The following STAG2 variants were observed in gnomAD, a reference collection of about 807,000 sequenced individuals.
The protein encoded by STAG2 is STAG2 cohesin complex component.
Under a neutral mutation model 108.1 loss-of-function variants are expected in STAG2, and 14 were observed. The ratio of observed to expected loss-of-function variants is 0.13; its 90% CI spans 0.09 to 0.20. The LOEUF (loss-of-function observed/expected upper bound fraction) is 0.20. STAG2 is among the 10% of genes least tolerant of loss of function. STAG2 has a pLI of 1.00. For missense variants in STAG2, 440 were observed against 940.9 expected (o/e 0.47, Z 6.96); for synonymous variants, 307 against 302.7 (o/e 1.01, Z -0.15).
At position 124,061,862 on chromosome X, in the gene STAG2, G is replaced by C; in HGVS notation, c.1626G>C (p.Gly542=). Residue 542 remains glycine (G), a synonymous_variant, in exon 17 of 35, where the codon GGG becomes GGC. Transcript: ENST00000371145. ...AATGTCATCCTCCCGTGGGAAGAGG[G>C]ACAGGAAAAAGGGTATGCCAATCAA... ...AAECHPPVGR[G]TGKRVLTAKE... is the part of the protein sequence containing the mutation. The C allele has an allele frequency of 8.4e-7, 1 of 1,187,338 alleles. No individual in the cohort carries two copies. The highest frequency in any genetic ancestry group is 1.1e-6 in the Non-Finnish European group (1 of 881,436).
chrX:124,012,998 T>G (rs2056571388), intron 1 of STAG2, among the ~76,000 whole-genome samples: 1 of 111,840 alleles, frequency 8.9e-6, no homozygotes, highest in Admixed American at 9.6e-5. Flanking sequence ...TGTGTTCATC[T>G]ACTCTTCTAT....
At chrX:123,991,862 C>T (rs527776900) in intron 1 of STAG2, among the ~76,000 whole-genome samples, 1 of 111,749 alleles carries the variant, frequency 8.9e-6, no homozygotes, top group East Asian at 2.8e-4. Context: ...CGGGGTTTTT[C>T]CCTGTTGGTC....
At chrX:124,033,716 C>T (rs946676935) in intron 5 of STAG2, among the ~76,000 whole-genome samples, 3 of 111,689 alleles carry the variant, frequency 2.7e-5, no homozygotes, top group Non-Finnish European at 3.8e-5. Flanking sequence ...GAGCTGAGAT[C>T]GCACCATTGC....
intron 1 of STAG2, among the ~76,000 whole-genome samples, chrX:123,967,774 C>T (rs2054173956): frequency 9.0e-6 from 1 of 110,748 alleles, no homozygotes; most frequent in African/African-American, 3.3e-5. Context: ...TACTGAATAT[C>T]GTAGGCAGTT....
At chrX:124,055,409 C>G (rs2148260417) in intron 13 of STAG2, among the ~76,000 whole-genome samples, 1 of 112,560 alleles carries the variant, frequency 8.9e-6, no homozygotes, top group South Asian at 3.7e-4. Context: ...AGAGAAAGAG[C>G]TGCCAGGGGC....
At chrX:124,083,638 C>A in intron 29 of STAG2, 89 bp downstream of exon 29, 1 of 781,382 alleles carries the variant, frequency 1.3e-6, no homozygotes, top group Non-Finnish European at 1.8e-6. Context: ...TTTCTACTCA[C>A]ACAGAATTGT....
chrX:124,057,496 T>C lies in STAG2; in HGVS notation c.1305-370T>C, dbSNP rs752474892. Among the ~76,000 whole-genome samples, 8 of 112,584 alleles carry C rather than the reference T, an allele frequency of 7.1e-5. No individual in the cohort carries two copies. The South Asian group carries it at 2.9e-3, about 41-fold the overall frequency. ...GAAGGATGGAAGGAAAGTATATGTTTAGTTTTCAAGATGAATATGTATCAT... is the reference window on the plus strand; with the variant it reads ...GAAGGATGGAAGGAAAGTATATGTTCAGTTTTCAAGATGAATATGTATCAT... On this transcript the variant is annotated intron_variant, in intron 14 of 34. Coordinates refer to ENST00000371145, the MANE Select transcript of STAG2 (RefSeq NM_001042750.2).
chrX:124,065,696 T>G (rs2058505595), intron 20 of STAG2, among the ~76,000 whole-genome samples, 180 bp from the exon 21 acceptor site: 1 of 111,946 alleles, frequency 8.9e-6, no homozygotes, highest in African/African-American at 3.2e-5. Context: ...TATGATAAAC[T>G]TGTGTTGACT....
intron 1 of STAG2, among the ~76,000 whole-genome samples, chrX:123,972,558 A>G (rs1210630248): frequency 1.8e-5 from 2 of 109,702 alleles, no homozygotes; most frequent in African/African-American, 6.6e-5. Context: ...GGCGTGAGCC[A>G]CCGCGCCCGG....
intron 7 of STAG2, among the ~76,000 whole-genome samples, chrX:124,043,449 T>C (rs950738857): frequency 9.0e-6 from 1 of 111,641 alleles, no homozygotes; most frequent in Admixed American, 9.5e-5. Context: ...CCACTGCATC[T>C]GGCCAGTATC....
chrX:124,030,547 A>G (rs1368870141), intron 4 of STAG2, among the ~76,000 whole-genome samples: 1 of 112,117 alleles, frequency 8.9e-6, no homozygotes, highest in East Asian at 2.8e-4. Flanking sequence ...ACTTTATTAT[A>G]TGCTGGGTAT....
intron 5 of STAG2, among the ~76,000 whole-genome samples, chrX:124,036,936 G>A (rs920434659): frequency 3.7e-5 from 4 of 109,181 alleles, no homozygotes; most frequent in Admixed American, 9.9e-5. Context: ...TCCAGGTTGG[G>A]GTACAGTGGC....
rs749030891 is a variant in STAG2, at chrX:124,037,558, A to G, written c.320A>G (p.Lys107Arg). 1 of 1,191,061 alleles carries G rather than the reference A, an allele frequency of 8.4e-7. No individual in the cohort carries two copies. Among genetic ancestry groups the G allele is most frequent in the Non-Finnish European group, 1.1e-6 (1 of 882,755 alleles). ...SVVDDWIESY[K>R]HDRDIALLDL... ...GTAGATGATTGGATAGAATCATACA[A>G]GCATGACCGAGATATAGCACTTCTT... The change falls in exon 6 of 35, where the codon AAG becomes AGG. Residue 107 changes from lysine to arginine, a missense_variant. Coordinates refer to ENST00000371145, the MANE Select transcript of STAG2 (RefSeq NM_001042750.2).
chrX:124,018,483 TGGAC>T (rs1374749842), intron 1 of STAG2, among the ~76,000 whole-genome samples: 66 of 89,151 alleles, frequency 7.4e-4, no homozygotes, highest in Middle Eastern at 5.8e-3. Context: ...GATGGATGGA[TGGAC>T]AGACGGACGG....
chrX:124,027,335 T>G (rs903753900), intron 4 of STAG2, among the ~76,000 whole-genome samples: 1 of 112,557 alleles, frequency 8.9e-6, no homozygotes, highest in Admixed American at 9.4e-5. Context: ...TTTCATAATT[T>G]TGTGTGCTCT....
At chrX:124,006,051 C>T (rs899107081) in intron 1 of STAG2, among the ~76,000 whole-genome samples, 1 of 110,862 alleles carries the variant, frequency 9.0e-6, no homozygotes, top group African/African-American at 3.3e-5. Context: ...TGCATTCCTC[C>T]CTAAGGACTT....
At chrX:124,094,209 T>C in intron 33 of STAG2, 65 bp downstream of exon 33, 4 of 1,078,482 alleles carry the variant, frequency 3.7e-6, no homozygotes, top group South Asian at 4.1e-5. Flanking sequence ...TGTTGGATAT[T>C]TATTAGAGTA....
intron 5 of STAG2, among the ~76,000 whole-genome samples, chrX:124,033,774 A>G (rs895937737): frequency 3.6e-5 from 4 of 111,422 alleles, no homozygotes; most frequent in Admixed American, 9.5e-5. Flanking sequence ...AAAAACAAAC[A>G]AAAACAAAAA....
intron 4 of STAG2, among the ~76,000 whole-genome samples, chrX:124,026,925 G>T (rs2057124262): frequency 9.0e-6 from 1 of 110,507 alleles, no homozygotes; most frequent in Admixed American, 9.7e-5. Flanking sequence ...GTCTCTCTAT[G>T]TTGCCTAGAC....
Sources: allele counts gnomAD v4.1 joint callset (sites outside exome capture counted in the v4.1 genomes callset), GRCh38; gene constraint gnomAD v4.1.1; transcripts MANE v1.5; gene names NCBI Gene and HGNC (gene_info 2026-07-23, HGNC 2026-07-21).